MYO16: variants seen among roughly 807,000 people sequenced by gnomAD.
MYO16 encodes myosin XVI.
Under a neutral mutation model 205.3 loss-of-function variants are expected in MYO16, and 94 were observed. That is an observed-to-expected ratio of 0.46 (90% CI 0.39 to 0.54). The LOEUF (loss-of-function observed/expected upper bound fraction) is 0.54. MYO16 is among the 20% of genes least tolerant of loss of function. The pLI is 0.00. For synonymous variants in MYO16, 988 were observed against 954.0 expected (o/e 1.04, Z -0.66); for missense variants, 2,315 against 2,387.5 (o/e 0.97, Z 0.63).
chr13:108,707,178 T>C (rs1039796919), intron 2 of MYO16, among the ~76,000 whole-genome samples: 34 of 152,266 alleles, frequency 2.2e-4, no homozygotes, highest in African/African-American at 8.2e-4. Context: ...GACCCTCTTA[T>C]CATGACCCTG....
chr13:108,672,310 A>G (rs1882023924), intron 2 of MYO16, among the ~76,000 whole-genome samples: 1 of 152,164 alleles, frequency 6.6e-6, no homozygotes, highest in Non-Finnish European at 1.5e-5. Flanking sequence ...TGCAATTGAG[A>G]AAGTAAAAAA....
chr13:108,551,996 A>G, the MYO16 span, among the ~76,000 whole-genome samples: 2 of 152,188 alleles, frequency 1.3e-5, no homozygotes, highest in Non-Finnish European at 2.9e-5. Context: ...GGGCAAGTTA[A>G]CTTCTACAGA....
In MYO16 at chr13:109,055,287, T is replaced by A; in HGVS notation, c.3130-103T>A. The A allele has an allele frequency of 9.8e-7, 1 of 1,019,124 alleles. No homozygotes were observed. The highest frequency in any genetic ancestry group is 1.4e-6 in the Non-Finnish European group (1 of 692,654). 63.1% of individuals were successfully genotyped at this position (1,019,124 alleles called of 1,614,324 possible). A position where few individuals can be genotyped will look rare whatever the true frequency, so the allele number is the denominator to read the frequency against. Reference sequence around the variant, plus strand: ...CACACACACACACAGAGTAAATGCATAATGAGATTTAAAGACGTAAAGACT... The same window carrying A: ...CACACACACACACAGAGTAAATGCAAAATGAGATTTAAAGACGTAAAGACT... On this transcript the variant is annotated intron_variant, in intron 26 of 34. Transcript: ENST00000457511. The surrounding 1 kb of genome is among the most constrained non-coding windows in gnomAD (Gnocchi z 5.0).
intron 23 of MYO16, among the ~76,000 whole-genome samples, chr13:109,020,180 CAA>C (rs1283772821): frequency 2.0e-5 from 3 of 152,092 alleles, no homozygotes; most frequent in Admixed American, 2.0e-4. Flanking sequence ...GGGTTTAATA[CAA>C]AGAGCTCTGC....
At chr13:109,053,408 G>A (rs369895210) in intron 25 of MYO16, among the ~76,000 whole-genome samples, 22 of 151,924 alleles carry the variant, frequency 1.4e-4, no homozygotes, top group African/African-American at 4.8e-4. Context: ...ATGAGAATTA[G>A]TCTCTGCCAC....
At chr13:108,560,333 C>T in the MYO16 span, among the ~76,000 whole-genome samples, 1 of 152,198 alleles carries the variant, frequency 6.6e-6, no homozygotes, top group Non-Finnish European at 1.5e-5. Flanking sequence ...GGCCACCTCC[C>T]AGAGACAGGG....
intron 1 of MYO16, among the ~76,000 whole-genome samples, chr13:108,606,378 C>T (rs968824701): frequency 6.6e-6 from 1 of 152,120 alleles, no homozygotes; most frequent in Admixed American, 6.5e-5. Flanking sequence ...GCCTCAGGGC[C>T]CCCTTTCTCT....
intron 1 of MYO16, among the ~76,000 whole-genome samples, chr13:108,596,939 T>C (rs935540778): frequency 1.3e-5 from 2 of 152,298 alleles, no homozygotes; most frequent in African/African-American, 4.8e-5. Flanking sequence ...CAGAAGAGCA[T>C]AATTAAATGT....
At chr13:108,591,538 T>G (rs991829986), upstream of MYO16, among the ~76,000 whole-genome samples, 1 of 152,232 alleles carries the variant, frequency 6.6e-6, no homozygotes, top group Non-Finnish European at 1.5e-5. Context: ...CTTTTCCATT[T>G]TTAGCTTACA....
chr13:108,873,134 T>C (rs939956896), intron 12 of MYO16, among the ~76,000 whole-genome samples: 3 of 152,222 alleles, frequency 2.0e-5, no homozygotes, highest in African/African-American at 7.2e-5. Context: ...TTTTTGTTTC[T>C]AGTTATTATC....
At chr13:108,855,401 G>A in intron 10 of MYO16, 42 bp from the exon 11 acceptor site, 1 of 1,229,114 alleles carries the variant, frequency 8.1e-7, no homozygotes, top group South Asian at 1.6e-5. Flanking sequence ...AAAGTTGATT[G>A]GAAAGCAATT....
At chr13:108,796,227 A>G (rs1886784804) in intron 6 of MYO16, among the ~76,000 whole-genome samples, 1 of 152,162 alleles carries the variant, frequency 6.6e-6, no homozygotes, top group African/African-American at 2.4e-5. Flanking sequence ...AGGATCACCT[A>G]CCCTGGCTGT....
chr13:109,096,810 G>A (rs941427003), intron 27 of MYO16, among the ~76,000 whole-genome samples: 8 of 152,190 alleles, frequency 5.3e-5, no homozygotes, highest in Non-Finnish European at 7.3e-5. Context: ...TTTATGTCTT[G>A]TCCGGAGAAA....
chr13:108,850,912 C>A (rs999240665), intron 10 of MYO16, among the ~76,000 whole-genome samples: 1 of 152,130 alleles, frequency 6.6e-6, no homozygotes, highest in Non-Finnish European at 1.5e-5. Context: ...CCACTGAAAA[C>A]GAGAATCCAC....
intron 27 of MYO16, among the ~76,000 whole-genome samples, chr13:109,098,971 G>A (rs180755758): frequency 6.6e-6 from 1 of 152,248 alleles, no homozygotes; most frequent in East Asian, 1.9e-4. Context: ...TTCTTCAAAT[G>A]TCAAACGACC....
At position 108,666,029 on chromosome 13, in the gene MYO16, A is replaced by G. The variant is rs1594190302; in HGVS notation, c.172A>G (p.Lys58Glu). 2 of 1,614,024 alleles carry G rather than the reference A, an allele frequency of 1.2e-6. No homozygotes were observed. The highest frequency in any genetic ancestry group is 2.2e-5 in the South Asian group (2 of 91,090). ...EQIKAYYERE[K>E]AFQKQEGFLK... ...AATCAAAGCCTACTATGAGCGCGAG[A>G]AGGCTTTTCAGAAGCAGGAAGGGTT... The change falls in exon 2 of 35, where the codon AAG (lysine) becomes GAG (glutamate). Residue 58 changes from lysine to glutamate, a missense_variant. By Grantham distance (56) the Lys-to-Glu change is moderately conservative. This residue lies in a region of MYO16 where 1,213 missense variants were observed against 1,274.4 expected (regional missense o/e 0.95). Transcript: ENST00000457511.
the MYO16 span, among the ~76,000 whole-genome samples, chr13:108,563,944 A>C: frequency 6.6e-6 from 1 of 152,168 alleles, no homozygotes; most frequent in Non-Finnish European, 1.5e-5. Context: ...ATTTGTACTA[A>C]CTTACATTCC....
intron 4 of MYO16, among the ~76,000 whole-genome samples, chr13:108,766,298 T>C (rs1479341477): frequency 3.9e-5 from 6 of 152,328 alleles, no homozygotes; most frequent in Non-Finnish European, 5.9e-5. Flanking sequence ...TCAAGTACGA[T>C]AGAGATAGCC....
chr13:108,537,283 C>T, the MYO16 span, among the ~76,000 whole-genome samples: 2 of 151,978 alleles, frequency 1.3e-5, no homozygotes, highest in Non-Finnish European at 2.9e-5. Context: ...ATTTCACTTA[C>T]GATAATGGCC....
Sources: allele counts gnomAD v4.1 joint callset (sites outside exome capture counted in the v4.1 genomes callset), GRCh38; gene constraint gnomAD v4.1.1; regional missense constraint gnomAD v4.1.1; non-coding constraint Gnocchi (gnomAD v3.1); transcripts MANE v1.5; gene names NCBI Gene and HGNC (gene_info 2026-07-23, HGNC 2026-07-21).